The following KCNMA1 variants were observed in gnomAD, a reference collection of about 807,000 sequenced individuals.
KCNMA1 encodes the protein Calcium-activated potassium channel subunit alpha-1.
Under a neutral mutation model 140.0 loss-of-function variants are expected in KCNMA1, and 29 were observed. The observed-to-expected ratio is 0.21, with a 90% CI of 0.15 to 0.28. The LOEUF is 0.28. Among genes scored for constraint, KCNMA1 ranks in the 10% least tolerant of loss-of-function variants. The pLI is 1.00. For synonymous variants in KCNMA1, 612 were observed against 611.9 expected (o/e 1.00, Z 0.00); for missense variants, 880 against 1,602.2 (o/e 0.55, Z 7.70).
rs151328068 is a variant in KCNMA1, at chr10:76,908,493, T to C, written c.3147+1473A>G. Among the ~76,000 whole-genome samples, 677 of 152,364 alleles carry C rather than the reference T, an allele frequency of 4.4e-3. 4 individuals carry two copies. Among genetic ancestry groups the C allele is most frequent in the African/African-American group, 0.015 (638 of 41,590 alleles). On this transcript the variant is annotated intron_variant, in intron 25 of 27. Transcript: ENST00000286628. ...ATTTTTAAATAAGATATGCTTGCAG[T>C]TGGACAATGTTCAGGCATACAGAAT...
intron 2 of KCNMA1, among the ~76,000 whole-genome samples, chr10:77,288,393 G>A (rs1168558184): frequency 1.3e-5 from 2 of 152,198 alleles, no homozygotes; most frequent in Non-Finnish European, 2.9e-5. Context: ...TTCCCTGTGA[G>A]ACTTAGACTG....
At chr10:77,282,314 A>C (rs1182718187) in intron 2 of KCNMA1, among the ~76,000 whole-genome samples, 1 of 152,034 alleles carries the variant, frequency 6.6e-6, no homozygotes, top group East Asian at 1.9e-4. Context: ...TTCCTCCATG[A>C]CTCAGGTGAA....
chr10:77,465,456 GT>G (rs2097973957), intron 1 of KCNMA1, among the ~76,000 whole-genome samples: 1 of 152,298 alleles, frequency 6.6e-6, no homozygotes, highest in Admixed American at 6.5e-5. Context: ...AATACTCAGA[GT>G]TTTGGAGTTA....
intron 3 of KCNMA1, among the ~76,000 whole-genome samples, chr10:77,229,416 T>A (rs1389351242): frequency 1.3e-5 from 2 of 152,008 alleles, no homozygotes; most frequent in Non-Finnish European, 2.9e-5. Flanking sequence ...AAGCAGATTG[T>A]TTAAAATCCA....
At chr10:77,080,457 T>C (rs766376039) in intron 12 of KCNMA1, among the ~76,000 whole-genome samples, 3 of 152,200 alleles carry the variant, frequency 2.0e-5, no homozygotes, top group Non-Finnish European at 2.9e-5. Context: ...GGGGCTCACC[T>C]ATCCTGCATC....
rs2153856833 is a variant in KCNMA1 at position 77,108,294 on chromosome 10, T to C, written c.1223+187A>G. 1.3e-6 allele frequency: 2 copies of C among 1,490,286 alleles called. No homozygotes were observed. The highest frequency in any genetic ancestry group is 1.8e-6 in the Non-Finnish European group (2 of 1,127,922). 92.3% of individuals were successfully genotyped at this position (1,490,286 alleles called of 1,614,324 possible). ...TGATGCAACTGACTTACTTTCTGCC[T>C]CCATGTTTGTTAAAAGTCCCGCCGA... On this transcript the variant is annotated intron_variant, in intron 9 of 27. Coordinates refer to ENST00000286628, the MANE Select transcript of KCNMA1 (RefSeq NM_001161352.2). The surrounding 1 kb of genome is among the most constrained non-coding windows in gnomAD (Gnocchi z 4.6).
intron 2 of KCNMA1, among the ~76,000 whole-genome samples, chr10:77,333,600 G>T (rs2087563532): frequency 6.6e-6 from 1 of 152,128 alleles, no homozygotes. Flanking sequence ...ACATTTTTAG[G>T]CCTCAACTCA....
At chr10:76,916,190 A>T (rs1346037438) in intron 23 of KCNMA1, among the ~76,000 whole-genome samples, 1 of 152,196 alleles carries the variant, frequency 6.6e-6, no homozygotes, top group Non-Finnish European at 1.5e-5. Flanking sequence ...CTTATGGCTG[A>T]TCCCTTGAAC....
At chr10:77,252,872 C>T (rs1354383304) in intron 2 of KCNMA1, among the ~76,000 whole-genome samples, 2 of 151,810 alleles carry the variant, frequency 1.3e-5, no homozygotes, top group Non-Finnish European at 2.9e-5. Flanking sequence ...TTATTTCATT[C>T]TGCCATTTAA....
intron 1 of KCNMA1, among the ~76,000 whole-genome samples, chr10:77,501,685 G>C (rs2043950588): frequency 6.6e-6 from 1 of 152,198 alleles, no homozygotes; most frequent in Non-Finnish European, 1.5e-5. Context: ...CTGCAGAAGA[G>C]AGAAAGCCAG....
At chr10:77,255,148 G>A (rs767131375) in intron 2 of KCNMA1, among the ~76,000 whole-genome samples, 4 of 152,170 alleles carry the variant, frequency 2.6e-5, no homozygotes, top group South Asian at 4.1e-4. Context: ...ACTGTGTGGA[G>A]ATATTGAGTA....
At chr10:77,196,722 C>G (rs7897566) in intron 3 of KCNMA1, among the ~76,000 whole-genome samples, 63,858 of 152,008 alleles carry the variant, frequency 0.42, 14,906 homozygotes, top group African/African-American at 0.63. Context: ...TTAGTGCCTA[C>G]TCTTGGGCTA....
At chr10:77,270,678 C>T (rs2064830934) in intron 2 of KCNMA1, among the ~76,000 whole-genome samples, 1 of 139,314 alleles carries the variant, frequency 7.2e-6, no homozygotes, top group South Asian at 2.2e-4. Flanking sequence ...CACACCACCA[C>T]ACCTAGCTAA....
At chr10:77,100,854 A>G (rs2097079812) in intron 9 of KCNMA1, among the ~76,000 whole-genome samples, 1 of 152,184 alleles carries the variant, frequency 6.6e-6, no homozygotes, top group Non-Finnish European at 1.5e-5. Context: ...TATTCGAATT[A>G]TTTTTTAATG....
chr10:77,367,465 G>C (rs937084205), intron 2 of KCNMA1, among the ~76,000 whole-genome samples: 1 of 152,244 alleles, frequency 6.6e-6, no homozygotes, highest in East Asian at 1.9e-4. Context: ...AAGAGCCCCA[G>C]CATCACTCAG....
intron 3 of KCNMA1, among the ~76,000 whole-genome samples, chr10:77,194,948 G>C (rs2039941925): frequency 6.6e-6 from 1 of 152,202 alleles, no homozygotes; most frequent in African/African-American, 2.4e-5. Flanking sequence ...AAGGACACCA[G>C]CTTGTTTAAA....
chr10:77,412,707 C>T (rs1056488104), intron 1 of KCNMA1, among the ~76,000 whole-genome samples: 4 of 152,140 alleles, frequency 2.6e-5, no homozygotes, highest in Non-Finnish European at 4.4e-5. Flanking sequence ...CCGGACCCCG[C>T]GGAAATAAAA....
intron 1 of KCNMA1, among the ~76,000 whole-genome samples, chr10:77,583,095 T>C (rs1001123567): frequency 4.6e-5 from 7 of 152,268 alleles, no homozygotes; most frequent in African/African-American, 1.7e-4. Context: ...ATGGTACCTC[T>C]GTGACAGGCT....
chr10:77,619,839 G>A lies in KCNMA1; in HGVS notation c.378+17426C>T, dbSNP rs572427473. Among the ~76,000 whole-genome samples, 155 of 152,272 alleles carry A rather than the reference G, an allele frequency of 1.0e-3. 1 individual carries two copies. Among genetic ancestry groups the A allele is most frequent in the African/African-American group, 3.6e-3 (148 of 41,568 alleles). On this transcript the variant is annotated intron_variant, in intron 1 of 27. Transcript: ENST00000286628. ...GGGAGAGGCAGAGAAAGCTGACTAG[G>A]GTAGGTAGAGAAGGCTTCCCAGGAA...
Sources: gnomAD v4.1 joint callset for allele counts (sites outside exome capture counted in the v4.1 genomes callset) on GRCh38, gnomAD v4.1.1 for gene constraint, Gnocchi (gnomAD v3.1) non-coding constraint, MANE v1.5 for transcripts, NCBI Gene and HGNC (gene_info 2026-07-23, HGNC 2026-07-21) for gene names.